ZNF92: variants seen among roughly 807,000 people sequenced by gnomAD.
ZNF92 encodes epididymis luminal protein 203.
ZNF92 carries 11 observed loss-of-function variants against 12.4 expected under a neutral mutation model. The ratio of observed to expected loss-of-function variants is 0.89; its 90% CI spans 0.56 to 1.47. ZNF92 has a LOEUF of 1.47. Among genes scored for constraint, ZNF92 ranks in the 40% most tolerant of loss-of-function variants. The pLI, the probability that ZNF92 is intolerant of heterozygous loss-of-function variation, is 0.00. For missense variants in ZNF92, 622 were observed against 681.0 expected (o/e 0.91, Z 0.96); for synonymous variants, 206 against 228.6 (o/e 0.90, Z 0.89).
chr7:65,375,987 A>G (rs950245527), intron 1 of ZNF92, among the ~76,000 whole-genome samples: 4 of 151,552 alleles, frequency 2.6e-5, no homozygotes, highest in Admixed American at 1.3e-4. Context: ...GTCTCGGCTC[A>G]CTGCAACCTC....
In ZNF92 at chr7:65,373,906, T is replaced by A; in HGVS notation, c.-92T>A. On this transcript the variant is annotated 5_prime_UTR_variant, in exon 1 of 4. Coordinates refer to ENST00000328747, the MANE Select transcript of ZNF92 (RefSeq NM_152626.4). ...GTCTAGTCTTCACTGCTCTGCGTCC[T>A]GTGCTGATAAAGGCTCGCCGCTGTG... is the stretch of plus-strand genomic sequence containing the variant. 2.6e-6 allele frequency: 4 copies of A among 1,565,516 alleles called. No homozygotes were observed. The highest frequency in any genetic ancestry group is 3.5e-6 in the Non-Finnish European group (4 of 1,136,030).
rs940514515 is a variant in ZNF92 at position 65,374,860 on chromosome 7, C to G, written c.3+860C>G. ...TGTCCCAAGCAGGGTCTCAAGTCTA[C>G]CCCCCATCCCTCATTCCTCCAGCTT... On this transcript the variant is annotated intron_variant, in intron 1 of 3. Transcript: ENST00000328747. 2.6e-5 allele frequency among the ~76,000 whole-genome samples: 4 copies of G among 152,118 alleles called. 1 individual carries two copies. The Middle Eastern group carries it at 0.01, about 388-fold the overall frequency.
chr7:65,395,339 C>T (rs534443435), intron 3 of ZNF92, among the ~76,000 whole-genome samples: 3 of 152,260 alleles, frequency 2.0e-5, no homozygotes, highest in African/African-American at 7.2e-5. Flanking sequence ...TAGGCATGAG[C>T]CCCTGCACCC....
intron 3 of ZNF92, among the ~76,000 whole-genome samples, chr7:65,389,675 T>G (rs1485244333): frequency 6.6e-6 from 1 of 151,256 alleles, no homozygotes; most frequent in African/African-American, 2.4e-5. Context: ...CACCACCACG[T>G]CCAGCTAATT....
chr7:65,374,059 G>C, intron 1 of ZNF92, 59 bp downstream of exon 1: 1 of 1,612,218 alleles, frequency 6.2e-7, no homozygotes, highest in Middle Eastern at 1.7e-4. Context: ...GAACCGATTG[G>C]AAGTGGCTGT....
rs1403814320 is a variant in ZNF92 at position 65,387,937 on chromosome 7, C to T, written c.39C>T (p.Phe13=). ...CATTTAGGGATGTGAAAATAGAATT[C>T]TCTCTAGAGGAATGGCAATGCCTGG... ...PLTFRDVKIE[F]SLEEWQCLDT... is the part of the protein sequence containing the mutation. Residue 13 remains phenylalanine, a synonymous_variant, in exon 2 of 4, where the codon TTC becomes TTT. Transcript: ENST00000328747. 6.2e-7 allele frequency: 1 copy of T among 1,607,702 alleles called. No individual in the cohort carries two copies. The highest frequency in any genetic ancestry group is 1.7e-5 in the Admixed American group (1 of 58,832).
chr7:65,399,805 C>A lies in ZNF92; in HGVS notation c.1691C>A (p.Pro564His). ...THQIIYTGEKPCKHECGRAFN... is the reference protein window; with the variant it reads ...THQIIYTGEKHCKHECGRAFN... ...CAGATAATTTATACTGGAGAGAAAC[C>A]CTGCAAACATGAATGTGGCAGAGCC... Residue 564 changes from proline to histidine, a missense_variant, in exon 4 of 4, where the codon CCC (proline) becomes CAC (histidine). Physicochemically the swap from Pro to His is moderately conservative, Grantham distance 77 (BLOSUM62 -2). Transcript: ENST00000328747. 1 of 1,611,738 alleles carries A rather than the reference C, an allele frequency of 6.2e-7. No individual in the cohort carries two copies. Among genetic ancestry groups the A allele is most frequent in the Non-Finnish European group, 8.5e-7 (1 of 1,178,914 alleles).
At chr7:65,389,592 C>G (rs903302734) in intron 3 of ZNF92, among the ~76,000 whole-genome samples, 5 of 152,074 alleles carry the variant, frequency 3.3e-5, no homozygotes, top group African/African-American at 1.2e-4. Context: ...GCTTGGCTCA[C>G]AGCAACCTCT....
rs1486748951 is a variant in ZNF92 at position 65,388,802 on chromosome 7, A to T, written c.131-4A>T. On this transcript the variant is annotated splice_region_variant and splice_polypyrimidine_tract_variant and intron_variant, in intron 2 of 3. Coordinates refer to ENST00000328747, the MANE Select transcript of ZNF92 (RefSeq NM_152626.4). ...ATTTATGTTATTTATTTTTAATAAAACAGGTATTGCTGTCTCTAAGCCAGA... is the reference window on the plus strand; with the variant it reads ...ATTTATGTTATTTATTTTTAATAAATCAGGTATTGCTGTCTCTAAGCCAGA... 4 of 1,571,724 alleles carry T rather than the reference A, an allele frequency of 2.5e-6. No individual in the cohort carries two copies. The highest frequency in any genetic ancestry group is 2.6e-6 in the Non-Finnish European group (3 of 1,154,978).
Position 65,399,569 on chromosome 7 carries a change from A to G in ZNF92, c.1455A>G (p.Glu485=). ...GAGAAAAACCCTACAAATGTGAAGA[A>G]TGTGGCAAAGCCTTTAACCAGTCCT... The part of the protein sequence containing the change: ...HTREKPYKCE[E]CGKAFNQSSI... The change falls in exon 4 of 4, where the codon GAA becomes GAG. Residue 485 remains glutamate, a synonymous_variant. Coordinates refer to ENST00000328747, the MANE Select transcript of ZNF92 (RefSeq NM_152626.4). The G allele has an allele frequency of 6.2e-7, 1 of 1,613,818 alleles. No individual in the cohort carries two copies. The highest frequency in any genetic ancestry group is 8.5e-7 in the Non-Finnish European group (1 of 1,179,830).
intron 1 of ZNF92, among the ~76,000 whole-genome samples, chr7:65,377,420 C>T (rs1036225891): frequency 1.3e-5 from 2 of 151,998 alleles, no homozygotes; most frequent in Non-Finnish European, 2.9e-5. Flanking sequence ...AGCTGGGGAC[C>T]CACAGGCAGA....
Position 65,382,186 on chromosome 7 carries a change from C to CTTATGG in ZNF92, c.4-5715_4-5710dup, listed in dbSNP as rs1793438221. On this transcript the variant is annotated intron_variant, in intron 1 of 3. Coordinates refer to ENST00000328747, the MANE Select transcript of ZNF92 (RefSeq NM_152626.4). ...TAACATGGTACTGTAAATTCTTCTA[C>CTTATGG]TTATGGACTAATTATTGTGACCGTC... Among the ~76,000 whole-genome samples, 5 of 151,976 alleles carry CTTATGG rather than the reference C, an allele frequency of 3.3e-5. No individual in the cohort carries two copies. The South Asian group carries it at 1.0e-3, about 32-fold the overall frequency.
intron 1 of ZNF92, among the ~76,000 whole-genome samples, chr7:65,381,829 T>TA (rs1163037009): frequency 6.6e-6 from 1 of 152,108 alleles, no homozygotes; most frequent in African/African-American, 2.4e-5. Context: ...TTGTCAAAAA[T>TA]ACGATGATTG....
intron 3 of ZNF92, among the ~76,000 whole-genome samples, chr7:65,396,780 G>A (rs907245630): frequency 6.6e-6 from 1 of 152,086 alleles, no homozygotes; most frequent in Non-Finnish European, 1.5e-5. Context: ...TCCTAAAGCT[G>A]TAGGATTACA....
chr7:65,395,250 TCA>T (rs2116397513), intron 3 of ZNF92, among the ~76,000 whole-genome samples: 1 of 152,096 alleles, frequency 6.6e-6, no homozygotes, highest in African/African-American at 2.4e-5. Flanking sequence ...GGACAGATTC[TCA>T]CTGTGTTGCC....
At position 65,399,852 on chromosome 7, in the gene ZNF92, A is replaced by G. The variant is rs1377683140; in HGVS notation, c.1738A>G (p.Thr580Ala). 10 of 1,582,364 alleles carry G rather than the reference A, an allele frequency of 6.3e-6. No homozygotes were observed. The highest frequency in any genetic ancestry group is 1.9e-5 in the Admixed American group (1 of 53,344). The change falls in exon 4 of 4, where the codon ACT becomes GCT. Residue 580 changes from threonine (T) to alanine (A), a missense_variant. Coordinates refer to ENST00000328747, the MANE Select transcript of ZNF92 (RefSeq NM_152626.4). ...AGCCTTTAACAAATCCTCAAATTAT[A>G]CTAAAGAGAAACTACAAACCTGAAA... ...GRAFNKSSNY[T>A]KEKLQT
chr7:65,399,256 CCT>C lies in ZNF92; in HGVS notation c.1144_1145del (p.Ser382AsnfsTer4). The C allele has an allele frequency of 6.2e-7, 1 of 1,610,972 alleles. No homozygotes were observed. The highest frequency in any genetic ancestry group is 8.5e-7 in the Non-Finnish European group (1 of 1,178,890). On this transcript the variant is annotated frameshift_variant, in exon 4 of 4. Coordinates refer to ENST00000328747, the MANE Select transcript of ZNF92 (RefSeq NM_152626.4). LOFTEE classifies it low-confidence loss of function (END_TRUNC). The stretch of plus-strand genomic sequence containing the variant: ...GAATGTGGCAAAGCCTTTAACCAGT[CCT>C]CAACCCTTACTAAACATAAAAGAAT...
chr7:65,391,067 A>G (rs1051798489), intron 3 of ZNF92, among the ~76,000 whole-genome samples: 1 of 151,842 alleles, frequency 6.6e-6, no homozygotes, highest in African/African-American at 2.4e-5. Context: ...ACACTCCTCA[A>G]TCTTGGGTTT....
chr7:65,394,279 C>G (rs1793794355), intron 3 of ZNF92, among the ~76,000 whole-genome samples: 1 of 151,846 alleles, frequency 6.6e-6, no homozygotes, highest in African/African-American at 2.4e-5. Context: ...TGTTAATGTC[C>G]AGTTTCACCA....
Sources: gnomAD v4.1 joint callset for allele counts (sites outside exome capture counted in the v4.1 genomes callset) on GRCh38, gnomAD v4.1.1 for gene constraint, MANE v1.5 for transcripts, NCBI Gene and HGNC (gene_info 2026-07-23, HGNC 2026-07-21) for gene names.